Variants in NRG3 observed in about 807,000 individuals in gnomAD.
NRG3 encodes pro-neuregulin-3, membrane-bound isoform.
In NRG3, 31 loss-of-function variants were observed where a neutral mutation model predicts 66.9. The observed-to-expected ratio is 0.46, with a 90% CI of 0.35 to 0.63. The LOEUF (loss-of-function observed/expected upper bound fraction) is 0.63, where lower values mean the gene tolerates loss of function less well. NRG3 is among the 20% of genes least tolerant of loss of function. The pLI is 0.00. For synonymous variants in NRG3, 393 were observed against 359.4 expected (o/e 1.09, Z -1.06); for missense variants, 910 against 878.9 (o/e 1.04, Z -0.45).
intron 2 of NRG3, among the ~76,000 whole-genome samples, chr10:82,650,384 A>G (rs2051317746): frequency 6.6e-6 from 1 of 152,210 alleles, no homozygotes; most frequent in Non-Finnish European, 1.5e-5. Flanking sequence ...TTTGGTACTT[A>G]ATATGCTGCC....
intron 4 of NRG3, among the ~76,000 whole-genome samples, chr10:82,936,406 C>T (rs1324341041): frequency 6.6e-6 from 1 of 151,988 alleles, no homozygotes; most frequent in Non-Finnish European, 1.5e-5. Context: ...AAGCTGTTCT[C>T]ATGGAAATTG....
At chr10:81,896,657 G>A (rs1283279593) in intron 1 of NRG3, among the ~76,000 whole-genome samples, 2 of 136,200 alleles carry the variant, frequency 1.5e-5, no homozygotes, top group Admixed American at 1.6e-4. Context: ...TGAGAATCTA[G>A]GGCTTTTTTT....
intron 2 of NRG3, among the ~76,000 whole-genome samples, chr10:82,696,345 T>TA (rs763695634): frequency 3.9e-5 from 6 of 152,138 alleles, no homozygotes; most frequent in Non-Finnish European, 7.4e-5. Flanking sequence ...TGTATATACT[T>TA]ATAGTATATA....
intron 2 of NRG3, among the ~76,000 whole-genome samples, chr10:82,588,497 T>C (rs530761111): frequency 8.6e-5 from 13 of 151,984 alleles, no homozygotes; most frequent in Non-Finnish European, 1.6e-4. Context: ...TGTGAACCAA[T>C]TGAACCTTTT....
intron 2 of NRG3, among the ~76,000 whole-genome samples, chr10:82,385,695 T>C (rs927844871): frequency 6.6e-6 from 1 of 152,186 alleles, no homozygotes; most frequent in Non-Finnish European, 1.5e-5. Flanking sequence ...GGATTGTTGC[T>C]ATAGACAGTA....
intron 1 of NRG3, among the ~76,000 whole-genome samples, chr10:82,347,680 C>T (rs1034925361): frequency 1.1e-4 from 16 of 152,168 alleles, no homozygotes; most frequent in African/African-American, 3.6e-4. Context: ...TAAAGTCTCC[C>T]ATTATTATTG....
intron 2 of NRG3, among the ~76,000 whole-genome samples, chr10:82,721,142 T>C (rs2057293804): frequency 8.3e-6 from 1 of 121,208 alleles, no homozygotes; most frequent in African/African-American, 3.3e-5. Flanking sequence ...TTTTTTTTTT[T>C]TTTTTTTGAG....
chr10:82,332,120 G>A (rs1191244943), intron 1 of NRG3, among the ~76,000 whole-genome samples: 1 of 152,226 alleles, frequency 6.6e-6, no homozygotes, highest in Non-Finnish European at 1.5e-5. Flanking sequence ...TTGAGTACCA[G>A]AGAAGGATCA....
At chr10:82,913,018 G>A (rs1845476294) in intron 4 of NRG3, among the ~76,000 whole-genome samples, 1 of 152,154 alleles carries the variant, frequency 6.6e-6, no homozygotes. Flanking sequence ...AAAGTCAGGA[G>A]ATCGAGACCA....
chr10:82,248,509 TG>T (rs899315822), intron 1 of NRG3, among the ~76,000 whole-genome samples: 7 of 152,200 alleles, frequency 4.6e-5, no homozygotes, highest in Non-Finnish European at 1.0e-4. Context: ...CCTTCCATGC[TG>T]GGTGACCATC....
chr10:82,620,062 C>A (rs1220079869), intron 2 of NRG3, among the ~76,000 whole-genome samples: 1 of 152,170 alleles, frequency 6.6e-6, no homozygotes. Context: ...ACTTTGGGCA[C>A]CAGCAAGAGC....
chr10:82,305,696 T>G (rs997216543), intron 1 of NRG3, among the ~76,000 whole-genome samples: 4 of 152,176 alleles, frequency 2.6e-5, no homozygotes, highest in Non-Finnish European at 4.4e-5. Context: ...TATTATTATT[T>G]TCTTAAAAGC....
At chr10:82,781,505 C>G (rs1024806877) in intron 3 of NRG3, among the ~76,000 whole-genome samples, 6 of 152,126 alleles carry the variant, frequency 3.9e-5, no homozygotes, top group Admixed American at 2.6e-4. Flanking sequence ...AGGCCTCATG[C>G]CAGGCTTAAA....
chr10:82,775,177 G>T (rs1176974049), intron 3 of NRG3, among the ~76,000 whole-genome samples: 1 of 149,230 alleles, frequency 6.7e-6, no homozygotes, highest in Non-Finnish European at 1.5e-5. Context: ...TTCTTCACTG[G>T]TTCCTAGAGG....
At chr10:82,477,481 G>C (rs1332404160) in intron 2 of NRG3, among the ~76,000 whole-genome samples, 5 of 152,232 alleles carry the variant, frequency 3.3e-5, no homozygotes, top group African/African-American at 1.2e-4. Context: ...ATGTGTCCGA[G>C]CAAGTATTTG....
rs531687067 is a variant in NRG3 at position 81,946,298 on chromosome 10, T to C, written c.823+70135T>C. 1.2e-3 allele frequency among the ~76,000 whole-genome samples: 183 copies of C among 152,294 alleles called. 2 individuals are homozygous for C. The South Asian group carries it at 0.021, about 17-fold the overall frequency. On this transcript the variant is annotated intron_variant, in intron 1 of 8. Transcript: ENST00000372141. ...TCCCAAAGTGCTGGGATTACAGGCATACGCCCAGCCAATACCTTGATCTTA... is the reference window on the plus strand; with the variant it reads ...TCCCAAAGTGCTGGGATTACAGGCACACGCCCAGCCAATACCTTGATCTTA...
intron 2 of NRG3, among the ~76,000 whole-genome samples, chr10:82,361,666 T>G (rs1247057875): frequency 1.3e-5 from 2 of 152,184 alleles, no homozygotes; most frequent in African/African-American, 4.8e-5. Context: ...CTTTGTAATG[T>G]GTTTGGAGTA....
intron 1 of NRG3, among the ~76,000 whole-genome samples, chr10:82,115,210 G>T (rs1401069323): frequency 1.3e-5 from 2 of 152,038 alleles, no homozygotes; most frequent in Non-Finnish European, 2.9e-5. Flanking sequence ...CACCCAGCTT[G>T]TGGGTTGAGG....
intron 4 of NRG3, among the ~76,000 whole-genome samples, chr10:82,924,682 A>C (rs1228762222): frequency 1.3e-5 from 2 of 152,070 alleles, no homozygotes; most frequent in Non-Finnish European, 2.9e-5. Flanking sequence ...AGTGTAATTA[A>C]GATTTTACAT....
Sources: allele counts gnomAD v4.1 joint callset (sites outside exome capture counted in the v4.1 genomes callset), GRCh38; gene constraint gnomAD v4.1.1; transcripts MANE v1.5; gene names NCBI Gene and HGNC (gene_info 2026-07-23, HGNC 2026-07-21).